VEPH1: variants seen among roughly 807,000 people sequenced by gnomAD.
VEPH1 encodes the protein ventricular zone expressed PH domain containing 1, also known as ventricular zone-expressed PH domain-containing protein homolog 1.
Under a neutral mutation model 85.2 loss-of-function variants are expected in VEPH1, and 80 were observed. That is an observed-to-expected ratio of 0.94 (90% CI 0.78 to 1.13). The LOEUF (loss-of-function observed/expected upper bound fraction) is 1.13. VEPH1 is among the 50% of genes most tolerant of loss of function. The probability of loss-of-function intolerance (pLI) is 0.00; values close to 1 mark genes in which losing one functional copy is unlikely to be tolerated. For synonymous variants in VEPH1, 297 were observed against 348.0 expected (o/e 0.85, Z 1.63); for missense variants, 955 against 980.5 (o/e 0.97, Z 0.35).
chr3:157,292,983 C>CAAAAAA (rs11349713), intron 11 of VEPH1, among the ~76,000 whole-genome samples: 2 of 110,074 alleles, frequency 1.8e-5, no homozygotes, highest in Non-Finnish European at 3.8e-5. Flanking sequence ...AACTCCACCT[C>CAAAAAA]AAAAAAAAAA....
intron 3 of VEPH1, among the ~76,000 whole-genome samples, chr3:157,468,882 C>T (rs1047689089): frequency 1.3e-5 from 2 of 151,864 alleles, no homozygotes; most frequent in Non-Finnish European, 2.9e-5. Flanking sequence ...CCTTTGTTCC[C>T]CCACTCACCC....
intron 6 of VEPH1, among the ~76,000 whole-genome samples, chr3:157,399,054 G>A (rs1730629978): frequency 6.6e-6 from 1 of 152,018 alleles, no homozygotes; most frequent in African/African-American, 2.4e-5. Context: ...ATACAGAAAT[G>A]TTAAATCAAC....
At chr3:157,326,682 C>A (rs996211751) in intron 9 of VEPH1, among the ~76,000 whole-genome samples, 44 of 152,264 alleles carry the variant, frequency 2.9e-4, no homozygotes, top group African/African-American at 1.0e-3. Context: ...AGGAGAGAGA[C>A]AGAGAAGTGT....
intron 4 of VEPH1, among the ~76,000 whole-genome samples, chr3:157,457,830 T>A (rs1338377864): frequency 6.6e-6 from 1 of 152,190 alleles, no homozygotes; most frequent in African/African-American, 2.4e-5. Flanking sequence ...GTTTTCTTTT[T>A]ATGTTGTGTC....
chr3:157,369,502 G>A (rs1727243233), intron 7 of VEPH1, among the ~76,000 whole-genome samples: 1 of 152,182 alleles, frequency 6.6e-6, no homozygotes, highest in Non-Finnish European at 1.5e-5. Context: ...GTAGAGCACA[G>A]AAGTCAGTGG....
chr3:157,344,598 G>A (rs1301636686), intron 9 of VEPH1, among the ~76,000 whole-genome samples: 1 of 152,158 alleles, frequency 6.6e-6, no homozygotes, highest in Non-Finnish European at 1.5e-5. Flanking sequence ...TGGCCATACT[G>A]CCCAAGGTAA....
At chr3:157,267,344 A>ATCCATCTG (rs541625599) in intron 12 of VEPH1, among the ~76,000 whole-genome samples, 1 of 149,964 alleles carries the variant, frequency 6.7e-6, no homozygotes, top group African/African-American at 2.4e-5. Flanking sequence ...TGATCCATCC[A>ATCCATCTG]CCCTGGCGTC....
chr3:157,493,982 T>C (rs1425307582), intron 2 of VEPH1, among the ~76,000 whole-genome samples: 1 of 152,204 alleles, frequency 6.6e-6, no homozygotes, highest in African/African-American at 2.4e-5. Context: ...ACAAAAATCT[T>C]ACCCAGAAAA....
intron 4 of VEPH1, chr3:157,437,861 G>A: frequency 6.7e-7 from 1 of 1,500,098 alleles, no homozygotes; most frequent in Non-Finnish European, 8.8e-7. Flanking sequence ...CGGCAGACGC[G>A]AGCCGACCTG....
chr3:157,396,720 G>A (rs1297087580), intron 6 of VEPH1, among the ~76,000 whole-genome samples: 2 of 152,026 alleles, frequency 1.3e-5, no homozygotes, highest in African/African-American at 4.8e-5. Flanking sequence ...TCGTATGTTT[G>A]TTGATCACAT....
At chr3:157,461,535 C>G (rs1735873872) in intron 3 of VEPH1, among the ~76,000 whole-genome samples, 1 of 152,200 alleles carries the variant, frequency 6.6e-6, no homozygotes, top group South Asian at 2.1e-4. Context: ...GCCAGGACCA[C>G]TTACATTCTT....
intron 7 of VEPH1, among the ~76,000 whole-genome samples, chr3:157,366,963 A>T (rs1726779631): frequency 6.6e-6 from 1 of 152,130 alleles, no homozygotes; most frequent in Admixed American, 6.5e-5. Flanking sequence ...GCGTTGAGGG[A>T]GGGTTCATGA....
intron 2 of VEPH1, among the ~76,000 whole-genome samples, chr3:157,485,310 G>A (rs528427819): frequency 6.6e-6 from 1 of 152,122 alleles, no homozygotes; most frequent in Non-Finnish European, 1.5e-5. Context: ...AATATGACAA[G>A]TTCCTGCACA....
At chr3:157,267,102 C>CTTTTTTTTTTTTTTTTT (rs10537483) in intron 12 of VEPH1, among the ~76,000 whole-genome samples, 13 of 124,668 alleles carry the variant, frequency 1.0e-4, no homozygotes, top group Non-Finnish European at 2.0e-4. Context: ...TCTTTTTTTT[C>CTTTTTTTTTTTTTTTTT]TTTTTTTTTT....
chr3:157,324,692 G>A (rs896800425), intron 9 of VEPH1, among the ~76,000 whole-genome samples: 1 of 151,570 alleles, frequency 6.6e-6, no homozygotes, highest in African/African-American at 2.4e-5. Flanking sequence ...TGGCCACATA[G>A]TGTTCCATGG....
intron 7 of VEPH1, among the ~76,000 whole-genome samples, chr3:157,374,707 A>T (rs1181712115): frequency 1.3e-5 from 2 of 152,178 alleles, no homozygotes; most frequent in African/African-American, 2.4e-5. Flanking sequence ...TGGTGGGTGG[A>T]AAAGGCCTCA....
chr3:157,404,086 AG>A (rs1017863159), intron 6 of VEPH1, among the ~76,000 whole-genome samples: 2 of 152,156 alleles, frequency 1.3e-5, no homozygotes, highest in African/African-American at 4.8e-5. Flanking sequence ...CAATGTCTCT[AG>A]TTTTCCTGAC....
At chr3:157,421,278 C>T (rs1732315024) in intron 5 of VEPH1, among the ~76,000 whole-genome samples, 1 of 152,022 alleles carries the variant, frequency 6.6e-6, no homozygotes, top group South Asian at 2.1e-4. Flanking sequence ...GTTGACCCTC[C>T]AGCCCTGGAA....
chr3:157,338,421 CTAGCT>C (rs2108634322), intron 9 of VEPH1, among the ~76,000 whole-genome samples: 1 of 152,276 alleles, frequency 6.6e-6, no homozygotes, highest in South Asian at 2.1e-4. Context: ...TTGAATATTG[CTAGCT>C]TAGATCTTTA....
Sources: allele counts gnomAD v4.1 joint callset (sites outside exome capture counted in the v4.1 genomes callset), GRCh38; gene constraint gnomAD v4.1.1; transcripts MANE v1.5; gene names NCBI Gene and HGNC (gene_info 2026-07-23, HGNC 2026-07-21).